The following SLTM variants were observed in gnomAD, a reference collection of about 807,000 sequenced individuals.
SLTM encodes SAFB-like transcription modulator.
Under a neutral mutation model 134.6 loss-of-function variants are expected in SLTM, and 43 were observed. That is an observed-to-expected ratio of 0.32 (90% confidence interval 0.25 to 0.41). The LOEUF is 0.41. Among genes scored for constraint, SLTM ranks in the 10% least tolerant of loss-of-function variants. SLTM has a pLI of 1.00. For synonymous variants in SLTM, 424 were observed against 432.3 expected (o/e 0.98, Z 0.24); for missense variants, 1,055 against 1,288.8 (o/e 0.82, Z 2.78).
chr15:58,932,280 G>A, intron 2 of SLTM, 76 bp downstream of exon 2: 1 of 1,059,644 alleles, frequency 9.4e-7, no homozygotes, highest in Non-Finnish European at 1.5e-6. Context: ...TATATAAACA[G>A]GGCAAGAGGC....
chr15:58,932,356 C>A lies in SLTM; in HGVS notation c.250G>T (p.Gly84Cys). Reference sequence around the variant, plus strand: ...AAACATGTTCATAACTCGTAACAACCTTTGCCTTTAGTTGGTTTCTTGTTT... The same window carrying A: ...AAACATGTTCATAACTCGTAACAACATTTGCCTTTAGTTGGTTTCTTGTTT... ...TPNKKPTKGK[G>C]KKHEADELSG... The change falls in exon 2 of 21, where the codon GGT (glycine) becomes TGT (cysteine). Residue 84 changes from glycine (G) to cysteine (C), a missense_variant and splice_region_variant. Gly to Cys is a radical substitution (Grantham distance 159). Transcript: ENST00000380516. The A allele has an allele frequency of 6.2e-7, 1 of 1,608,600 alleles. No individual in the cohort carries two copies.
chr15:58,919,905 T>C (rs2036901538), intron 2 of SLTM, among the ~76,000 whole-genome samples: 1 of 152,154 alleles, frequency 6.6e-6, no homozygotes. Context: ...AACTTGAAAA[T>C]GGTGCTGTCA....
intron 5 of SLTM, among the ~76,000 whole-genome samples, chr15:58,904,952 G>A (rs1229876407): frequency 1.3e-5 from 2 of 151,780 alleles, no homozygotes; most frequent in East Asian, 1.9e-4. Flanking sequence ...CTCATGATCC[G>A]CCTGCCTCGG....
In SLTM at chr15:58,879,869, T is replaced by G; in HGVS notation, c.*130A>C. On this transcript the variant is annotated 3_prime_UTR_variant, in exon 21 of 21. Transcript: ENST00000380516. Reference sequence around the variant, plus strand: ...TCTCCAAAATTGAGAAAAGCAATCATGTTAAATTTTTAAAAAGAAAAGTCT... The same window carrying G: ...TCTCCAAAATTGAGAAAAGCAATCAGGTTAAATTTTTAAAAAGAAAAGTCT... The G allele has an allele frequency of 9.3e-7, 1 of 1,077,958 alleles. No individual in the cohort carries two copies. The highest frequency in any genetic ancestry group is 1.3e-6 in the Non-Finnish European group (1 of 790,200). 66.8% of individuals were successfully genotyped at this position (1,077,958 alleles called of 1,614,324 possible). A position where few individuals can be genotyped will look rare whatever the true frequency, so the allele number is the denominator to read the frequency against.
intron 14 of SLTM, among the ~76,000 whole-genome samples, 193 bp from the exon 15 acceptor site, chr15:58,890,654 A>G (rs536466342): frequency 2.0e-5 from 3 of 152,340 alleles, no homozygotes; most frequent in African/African-American, 7.2e-5. Context: ...TTATCTATAA[A>G]TAAGACTGTC....
intron 19 of SLTM, among the ~76,000 whole-genome samples, chr15:58,885,086 G>A (rs1262432175): frequency 1.3e-5 from 2 of 152,210 alleles, no homozygotes; most frequent in South Asian, 2.1e-4. Flanking sequence ...CAGCCTATCA[G>A]GACAACATGC....
At chr15:58,903,303 G>A (rs1395652371) in intron 5 of SLTM, among the ~76,000 whole-genome samples, 3 of 152,150 alleles carry the variant, frequency 2.0e-5, no homozygotes, top group Admixed American at 1.3e-4. Flanking sequence ...CCAAAGTGCT[G>A]GGATTACAGG....
At chr15:58,882,345 G>A (rs2140923998) in intron 20 of SLTM, among the ~76,000 whole-genome samples, 1 of 152,138 alleles carries the variant, frequency 6.6e-6, no homozygotes, top group East Asian at 1.9e-4. Context: ...GGAGAGGAAT[G>A]AGTTTGACTG....
chr15:58,904,641 G>A (rs1405921947), intron 5 of SLTM, among the ~76,000 whole-genome samples: 1 of 151,574 alleles, frequency 6.6e-6, no homozygotes, highest in Non-Finnish European at 1.5e-5. Context: ...CTGCCTCCCG[G>A]GTTCCAGGGA....
At chr15:58,929,975 T>C (rs2037751399) in intron 2 of SLTM, among the ~76,000 whole-genome samples, 3 of 152,190 alleles carry the variant, frequency 2.0e-5, no homozygotes, top group Admixed American at 2.0e-4. Context: ...TAATTCAAAC[T>C]GTTTGGAGTT....
intron 5 of SLTM, among the ~76,000 whole-genome samples, chr15:58,910,654 A>C (rs1257228189): frequency 5.9e-5 from 9 of 152,122 alleles, no homozygotes. Context: ...GCTGCCAAAT[A>C]ATATAAAGAC....
At chr15:58,916,804 T>A in intron 3 of SLTM, 131 bp downstream of exon 3, 1 of 627,018 alleles carries the variant, frequency 1.6e-6, no homozygotes, top group Admixed American at 3.1e-5. Flanking sequence ...TTAAACGTTG[T>A]CAATATTACA....
intron 2 of SLTM, among the ~76,000 whole-genome samples, chr15:58,919,911 T>C (rs183446246): frequency 6.6e-6 from 1 of 152,326 alleles, no homozygotes; most frequent in East Asian, 1.9e-4. Flanking sequence ...AAAATGGTGC[T>C]GTCAGAACTG....
At chr15:58,928,405 T>A (rs2037633435) in intron 2 of SLTM, among the ~76,000 whole-genome samples, 1 of 152,166 alleles carries the variant, frequency 6.6e-6, no homozygotes, top group African/African-American at 2.4e-5. Flanking sequence ...TAAAAGTTCA[T>A]AACAAAGAGA....
chr15:58,894,297 TAAG>T (rs1724679354), intron 10 of SLTM, 104 bp from the exon 11 acceptor site: 2 of 1,405,584 alleles, frequency 1.4e-6, no homozygotes, highest in African/African-American at 1.5e-5. Context: ...AGGAAAAATA[TAAG>T]GAGAGTAAAA....
chr15:58,923,875 C>T (rs1278088859), intron 2 of SLTM, among the ~76,000 whole-genome samples: 2 of 130,490 alleles, frequency 1.5e-5, no homozygotes, highest in Admixed American at 9.5e-5. Context: ...AGTGCAGAGG[C>T]GCTATCTTGG....
At chr15:58,884,978 G>T (rs1008483507) in intron 19 of SLTM, among the ~76,000 whole-genome samples, 3 of 152,082 alleles carry the variant, frequency 2.0e-5, no homozygotes, top group Admixed American at 2.0e-4. Context: ...AGGGCTTTTT[G>T]ACCCTTGATT....
chr15:58,889,661 A>G, intron 15 of SLTM, 107 bp from the exon 16 acceptor site: 2 of 1,409,366 alleles, frequency 1.4e-6, no homozygotes, highest in South Asian at 1.4e-5. Context: ...ATCATAAGCA[A>G]AGACCAGGCA....
intron 2 of SLTM, among the ~76,000 whole-genome samples, chr15:58,928,348 A>G (rs1470648940): frequency 6.6e-6 from 1 of 152,232 alleles, no homozygotes; most frequent in African/African-American, 2.4e-5. Context: ...CCCAATTAAT[A>G]TAACCGTAAA....
Sources: gnomAD v4.1 joint callset for allele counts (sites outside exome capture counted in the v4.1 genomes callset) on GRCh38, gnomAD v4.1.1 for gene constraint, MANE v1.5 for transcripts, NCBI Gene and HGNC (gene_info 2026-07-23, HGNC 2026-07-21) for gene names.